Variants in LYPD6 observed in about 807,000 individuals in gnomAD.
LYPD6 encodes the protein LY6/PLAUR domain containing 6.
In LYPD6, 15 loss-of-function variants were observed where a neutral mutation model predicts 22.7. That is an observed-to-expected ratio of 0.66 (90% CI 0.44 to 1.02). The LOEUF is 1.02. LYPD6 is among the 50% of genes least tolerant of loss of function. The probability of loss-of-function intolerance (pLI) is 0.00; values close to 1 mark genes in which losing one functional copy is unlikely to be tolerated. For missense variants in LYPD6, 189 were observed against 208.4 expected (o/e 0.91, Z 0.57); for synonymous variants, 72 against 77.5 (o/e 0.93, Z 0.37).
In LYPD6 at chr2:149,464,092, T is replaced by C. The variant is rs1427880698; in HGVS notation, c.218-4553T>C. 7 of 409,982 alleles carry C rather than the reference T, an allele frequency of 1.7e-5. 1 individual carries two copies. The highest frequency in any genetic ancestry group is 9.1e-5 in the South Asian group (5 of 55,190). The allele number at this position is 409,982 out of a possible 1,614,324, so 25.4% of individuals were successfully genotyped here. On this transcript the variant is annotated intron_variant, in intron 3 of 4. Transcript: ENST00000334166. ...ACAAATGCATGGGAATCTACAGTTA[T>C]CTCAAAATAATAGGTTAAATTAAAA...
chr2:149,356,288 G>T (rs976768077), intron 1 of LYPD6, among the ~76,000 whole-genome samples: 1 of 152,028 alleles, frequency 6.6e-6, no homozygotes, highest in Non-Finnish European at 1.5e-5. Flanking sequence ...GCCTATCTTG[G>T]GACAGATATC....
intron 3 of LYPD6, chr2:149,464,195 C>A: frequency 5.3e-6 from 2 of 376,588 alleles, no homozygotes; most frequent in Non-Finnish European, 1.0e-5. Context: ...GCCAGATATC[C>A]CAAATGAGAA....
intron 1 of LYPD6, among the ~76,000 whole-genome samples, chr2:149,417,808 A>G (rs551891562): frequency 2.0e-4 from 30 of 152,330 alleles, no homozygotes; most frequent in African/African-American, 7.2e-4. Flanking sequence ...TAGAAATATA[A>G]TGAACCAGAA....
At chr2:149,404,668 G>A (rs1323531672) in intron 1 of LYPD6, among the ~76,000 whole-genome samples, 1 of 152,222 alleles carries the variant, frequency 6.6e-6, no homozygotes, top group Non-Finnish European at 1.5e-5. Flanking sequence ...ATACAATCAT[G>A]TCGTCTGCAA....
At chr2:149,475,261 T>C (rs989293429), downstream of LYPD6, among the ~76,000 whole-genome samples, 11 of 152,182 alleles carry the variant, frequency 7.2e-5, no homozygotes, top group Non-Finnish European at 1.6e-4. Context: ...ATGAAAACAC[T>C]GAGAATCTGT....
At chr2:149,468,237 C>G (rs1181305670) in intron 3 of LYPD6, among the ~76,000 whole-genome samples, 1 of 151,154 alleles carries the variant, frequency 6.6e-6, no homozygotes, top group Non-Finnish European at 1.5e-5. Flanking sequence ...TGTTACCTGC[C>G]TAACTCATTT....
In LYPD6 at chr2:149,407,428, G is replaced by A. The variant is rs370548776; in HGVS notation, c.-71-30210G>A. Among the ~76,000 whole-genome samples the A allele has an allele frequency of 1.2e-4, 18 of 152,152 alleles. 1 individual carries two copies. The highest frequency in any genetic ancestry group is 6.8e-3 in the Middle Eastern group (2 of 294). On this transcript the variant is annotated intron_variant, in intron 1 of 4. Coordinates refer to ENST00000334166, the MANE Select transcript of LYPD6 (RefSeq NM_194317.5). ...CGCATATTTCTTGGAGGCTTTGTTC[G>A]TTTCTTTTTATTCTTTTTTCTCTAA... is the stretch of plus-strand genomic sequence containing the variant.
At chr2:149,463,233 T>C (rs1196654) in intron 3 of LYPD6, among the ~76,000 whole-genome samples, 98,949 of 151,820 alleles carry the variant, frequency 0.65, 32,473 homozygotes, top group East Asian at 0.85. Flanking sequence ...AAAATATGAA[T>C]AGACATTTCA....
In LYPD6 at chr2:149,437,786, A is replaced by T; in HGVS notation, c.78A>T (p.Arg26=). The part of the protein sequence containing the change: ...LADCLKAAQS[R]DFTVKDIIYL... ...ATTGTCTGAAAGCTGCTCAGTCCCG[A>T]GACTTCACAGTGAAAGACATTATCT... is the stretch of plus-strand genomic sequence containing the variant. Residue 26 remains arginine (R), a synonymous_variant, in exon 2 of 5, where the codon CGA becomes CGT. Coordinates refer to ENST00000334166, the MANE Select transcript of LYPD6 (RefSeq NM_194317.5). The T allele has an allele frequency of 6.2e-7, 1 of 1,614,144 alleles. No homozygotes were observed. The highest frequency in any genetic ancestry group is 8.5e-7 in the Non-Finnish European group (1 of 1,180,020).
At chr2:149,448,215 CCCAGGAGATGGAGGTTG>C (rs746043455) in intron 2 of LYPD6, among the ~76,000 whole-genome samples, 59 of 152,298 alleles carry the variant, frequency 3.9e-4, no homozygotes, top group Non-Finnish European at 7.1e-4. Context: ...ATCACTTGAA[CCCAGGAGATGGAGGTTG>C]CCATGAGCTG....
intron 3 of LYPD6, among the ~76,000 whole-genome samples, chr2:149,467,473 G>A (rs1320114866): frequency 3.9e-5 from 6 of 152,064 alleles, no homozygotes; most frequent in Non-Finnish European, 7.4e-5. Context: ...TGTGTTGAAG[G>A]GTCTGTATTA....
At chr2:149,418,134 CA>C (rs1683004015) in intron 1 of LYPD6, among the ~76,000 whole-genome samples, 1 of 152,152 alleles carries the variant, frequency 6.6e-6, no homozygotes, top group South Asian at 2.1e-4. Flanking sequence ...ATGGCCTCAT[CA>C]AATCTTCACA....
At chr2:149,432,689 G>A (rs1000946317) in intron 1 of LYPD6, among the ~76,000 whole-genome samples, 2 of 152,140 alleles carry the variant, frequency 1.3e-5, no homozygotes, top group Non-Finnish European at 2.9e-5. Context: ...GTTGCCTCCT[G>A]TTTTCTAGAT....
chr2:149,375,101 G>A (rs1681888207), intron 1 of LYPD6, among the ~76,000 whole-genome samples: 1 of 152,186 alleles, frequency 6.6e-6, no homozygotes, highest in Non-Finnish European at 1.5e-5. Flanking sequence ...CTCAGGGTTT[G>A]TTAAGGGTTA....
At chr2:149,336,571 A>G (rs995247505) in intron 1 of LYPD6, among the ~76,000 whole-genome samples, 1 of 152,206 alleles carries the variant, frequency 6.6e-6, no homozygotes, top group Admixed American at 6.5e-5. Context: ...TTAAAAATAT[A>G]TATGGCTGAA....
chr2:149,368,535 CA>C (rs2105075150), intron 1 of LYPD6, among the ~76,000 whole-genome samples: 1 of 151,748 alleles, frequency 6.6e-6, no homozygotes. Context: ...CCTGTCTCTA[CA>C]AATAAAAAAT....
chr2:149,427,124 C>G (rs1265563241), intron 1 of LYPD6, among the ~76,000 whole-genome samples: 2 of 152,094 alleles, frequency 1.3e-5, no homozygotes, highest in East Asian at 1.9e-4. Context: ...CAAGGTAACT[C>G]TTTTTTTGAT....
intron 1 of LYPD6, among the ~76,000 whole-genome samples, chr2:149,337,310 T>G (rs958389807): frequency 2.6e-5 from 4 of 152,192 alleles, no homozygotes; most frequent in Admixed American, 2.6e-4. Context: ...TTGTATCCTC[T>G]GAGGTCATAT....
At chr2:149,459,454 A>G (rs1681037586) in intron 3 of LYPD6, among the ~76,000 whole-genome samples, 1 of 152,240 alleles carries the variant, frequency 6.6e-6, no homozygotes, top group Non-Finnish European at 1.5e-5. Context: ...ATCAGAAAGG[A>G]AGAAAAAACT....
Sources: allele counts gnomAD v4.1 joint callset (sites outside exome capture counted in the v4.1 genomes callset), GRCh38; gene constraint gnomAD v4.1.1; transcripts MANE v1.5; gene names NCBI Gene and HGNC (gene_info 2026-07-23, HGNC 2026-07-21).